Variants in SORBS2 observed in about 807,000 individuals in gnomAD.
The protein encoded by SORBS2 is sorbin and SH3 domain containing 2, also known as sorbin and SH3 domain-containing protein 2.
SORBS2 carries 46 observed loss-of-function variants against 97.7 expected under a neutral mutation model. The observed-to-expected ratio is 0.47, with a 90% CI of 0.37 to 0.60. The LOEUF (loss-of-function observed/expected upper bound fraction) is 0.60. Among genes scored for constraint, SORBS2 ranks in the 20% least tolerant of loss-of-function variants. The probability of loss-of-function intolerance (pLI) is 0.00; values close to 1 mark genes in which losing one functional copy is unlikely to be tolerated. For missense variants in SORBS2, 1,316 were observed against 1,282.3 expected (o/e 1.03, Z -0.40); for synonymous variants, 476 against 473.4 (o/e 1.01, Z -0.07).
chr4:185,853,678 G>C (rs775436562), intron 1 of SORBS2, among the ~76,000 whole-genome samples: 1 of 152,174 alleles, frequency 6.6e-6, no homozygotes, highest in African/African-American at 2.4e-5. Flanking sequence ...CCAGATATGT[G>C]TATATGGTAT....
chr4:185,620,833 C>G (rs2096709419), intron 7 of SORBS2, among the ~76,000 whole-genome samples: 1 of 151,934 alleles, frequency 6.6e-6, no homozygotes, highest in Admixed American at 6.5e-5. Flanking sequence ...CTTCTTACTC[C>G]AAGCAAAAAA....
intron 1 of SORBS2, among the ~76,000 whole-genome samples, chr4:185,874,945 C>CT (rs1198134961): frequency 6.7e-6 from 1 of 150,146 alleles, no homozygotes; most frequent in African/African-American, 2.4e-5. Flanking sequence ...AATCCGGACT[C>CT]TTTTTATTTT....
intron 2 of SORBS2, among the ~76,000 whole-genome samples, chr4:185,733,493 G>A (rs1048482979): frequency 6.6e-6 from 1 of 152,214 alleles, no homozygotes; most frequent in African/African-American, 2.4e-5. Context: ...GAGCCAGGTG[G>A]AGAAGCAGGA....
At chr4:185,938,201 T>C (rs1408036587) in intron 1 of SORBS2, among the ~76,000 whole-genome samples, 1 of 151,946 alleles carries the variant, frequency 6.6e-6, no homozygotes, top group Admixed American at 6.6e-5. Context: ...CTTCACCAGG[T>C]TGGCCAGGCT....
chr4:185,688,530 A>ATAGG (rs2098023905), intron 2 of SORBS2, among the ~76,000 whole-genome samples: 1 of 152,100 alleles, frequency 6.6e-6, no homozygotes, highest in South Asian at 2.1e-4. Context: ...AGATAGATAG[A>ATAGG]TAGACAAAAA....
chr4:185,587,677 T>G (rs754294205), exon 15 of SORBS2: 11 of 1,613,084 alleles, frequency 6.8e-6, no homozygotes, highest in South Asian at 1.1e-5. Flanking sequence ...AATTTGGTTC[T>G]TCTTGAGGTC....
intron 2 of SORBS2, among the ~76,000 whole-genome samples, chr4:185,751,767 C>T (rs539818498): frequency 2.6e-5 from 4 of 152,168 alleles, no homozygotes; most frequent in African/African-American, 7.2e-5. Flanking sequence ...AGCTTCTGCA[C>T]AGGAGCAGTG....
chr4:185,608,796 C>A (rs1209751388), intron 12 of SORBS2, among the ~76,000 whole-genome samples: 1 of 152,040 alleles, frequency 6.6e-6, no homozygotes, highest in Non-Finnish European at 1.5e-5. Flanking sequence ...AGGTAGATGT[C>A]TTTGATTTGG....
chr4:185,625,519 T>C (rs540065956), intron 6 of SORBS2, among the ~76,000 whole-genome samples: 103 of 152,364 alleles, frequency 6.8e-4, no homozygotes, highest in African/African-American at 2.4e-3. Flanking sequence ...CTGTACTGTC[T>C]GGGAAAGGAA....
At chr4:185,875,961 CT>C (rs1411515490) in intron 1 of SORBS2, among the ~76,000 whole-genome samples, 2 of 152,202 alleles carry the variant, frequency 1.3e-5, no homozygotes, top group South Asian at 2.1e-4. Context: ...CACCTTCCCC[CT>C]GACTCATAGT....
chr4:185,779,644 T>G (rs376669461), intron 1 of SORBS2, among the ~76,000 whole-genome samples: 3 of 152,218 alleles, frequency 2.0e-5, no homozygotes, highest in African/African-American at 7.2e-5. Context: ...AGGAAGGAAG[T>G]AAATGTAGTT....
At chr4:185,813,676 C>T (rs2099190830) in intron 1 of SORBS2, among the ~76,000 whole-genome samples, 1 of 152,244 alleles carries the variant, frequency 6.6e-6, no homozygotes, top group Admixed American at 6.5e-5. Flanking sequence ...CTCAATCTGA[C>T]TGCTCCTCGC....
chr4:185,892,778 C>T (rs1472704800), intron 1 of SORBS2, among the ~76,000 whole-genome samples: 1 of 151,880 alleles, frequency 6.6e-6, no homozygotes, highest in Non-Finnish European at 1.5e-5. Context: ...GTGAGGTGGC[C>T]AGTTATTGTT....
In SORBS2 at chr4:185,699,861, C is replaced by T. The variant is rs553102126; in HGVS notation, c.-197-21039G>A. On this transcript the variant is annotated intron_variant, in intron 2 of 20. Coordinates refer to the SORBS2 transcript ENST00000284776. Reference sequence around the variant, plus strand: ...TATTAATATTTATATACTGCTGCTCCATTGTTATTCAGACATTTGAAAAAA... The same window carrying T: ...TATTAATATTTATATACTGCTGCTCTATTGTTATTCAGACATTTGAAAAAA... Among the ~76,000 whole-genome samples, 4 of 152,204 alleles carry T rather than the reference C, an allele frequency of 2.6e-5. No homozygotes were observed. The South Asian group carries it at 8.3e-4, about 32-fold the overall frequency.
intron 2 of SORBS2, among the ~76,000 whole-genome samples, chr4:185,681,591 T>C (rs979273287): frequency 4.6e-5 from 7 of 152,216 alleles, no homozygotes; most frequent in African/African-American, 7.2e-5. Flanking sequence ...AATCCACGAA[T>C]GACTAAATGG....
intron 6 of SORBS2, among the ~76,000 whole-genome samples, chr4:185,625,606 G>A (rs572502286): frequency 6.6e-6 from 1 of 152,302 alleles, no homozygotes; most frequent in Admixed American, 6.5e-5. Flanking sequence ...TAGTATCCAA[G>A]AATAATAGGT....
At position 185,623,482 on chromosome 4, in the gene SORBS2, G is replaced by GTGA; in HGVS notation, c.1644_1646dup (p.His554dup). On this transcript the variant is annotated inframe_insertion, in exon 7 of 15. Coordinates refer to ENST00000418609, the Ensembl canonical transcript of SORBS2. The surrounding 1 kb of genome is among the most constrained non-coding windows in gnomAD (Gnocchi z 6.4). ...TGAGGTGGCGGTGGTGGTGGTGGTG[G>GTGA]TGATGGTGGTGGTGGTGGCTGGATC... 1 of 1,613,076 alleles carries GTGA rather than the reference G, an allele frequency of 6.2e-7. No homozygotes were observed. The highest frequency in any genetic ancestry group is 1.1e-5 in the South Asian group (1 of 91,058).
intron 1 of SORBS2, among the ~76,000 whole-genome samples, chr4:185,946,772 T>C (rs1350396604): frequency 1.3e-5 from 2 of 152,244 alleles, no homozygotes; most frequent in Non-Finnish European, 2.9e-5. Flanking sequence ...TATCTTTCAA[T>C]TAAAGTGCCA....
At chr4:185,929,907 CG>C (rs550221234) in intron 1 of SORBS2, among the ~76,000 whole-genome samples, 163 of 152,088 alleles carry the variant, frequency 1.1e-3, no homozygotes, top group Non-Finnish European at 2.0e-3. Context: ...CTGCTATTGA[CG>C]GGGATGAACT....
Sources: allele counts gnomAD v4.1 joint callset (sites outside exome capture counted in the v4.1 genomes callset), GRCh38; gene constraint gnomAD v4.1.1; non-coding constraint Gnocchi (gnomAD v3.1); transcripts MANE v1.5; gene names NCBI Gene and HGNC (gene_info 2026-07-23, HGNC 2026-07-21).